RUFY1: variants seen among roughly 807,000 people sequenced by gnomAD.
RUFY1 encodes the protein RUN and FYVE domain-containing protein 1.
RUFY1 carries 54 observed loss-of-function variants against 94.6 expected under a neutral mutation model. That is an observed-to-expected ratio of 0.57 (90% CI 0.46 to 0.72). The LOEUF (loss-of-function observed/expected upper bound fraction) is 0.72. RUFY1 is among the 30% of genes least tolerant of loss of function. The pLI is 0.00. For synonymous variants in RUFY1, 396 were observed against 347.3 expected (o/e 1.14, Z -1.56); for missense variants, 883 against 883.9 (o/e 1.00, Z 0.01).
chr5:179,598,487 T>G (rs1454512486), intron 13 of RUFY1: 19 of 616,628 alleles, frequency 3.1e-5, no homozygotes, highest in Non-Finnish European at 5.5e-5. Flanking sequence ...GTCAAGTGTG[T>G]GCCTGCAGGC....
At chr5:179,602,094 T>C in intron 15 of RUFY1, 108 bp downstream of exon 15, 1 of 866,736 alleles carries the variant, frequency 1.2e-6, no homozygotes, top group East Asian at 2.5e-5. Flanking sequence ...GTGGGCCATT[T>C]AGGAGCTCAG....
intron 16 of RUFY1, chr5:179,607,032 C>T (rs916584399): frequency 3.1e-5 from 5 of 158,908 alleles, no homozygotes; most frequent in African/African-American, 1.2e-4. Flanking sequence ...CCATGTGCTC[C>T]CCAGGGCTGG....
chr5:179,565,415 G>C (rs1282718020), intron 3 of RUFY1, among the ~76,000 whole-genome samples: 1 of 151,902 alleles, frequency 6.6e-6, no homozygotes, highest in Non-Finnish European at 1.5e-5. Flanking sequence ...TTGACCTCAG[G>C]TGATCCACCC....
At chr5:179,579,274 T>C (rs956455663) in intron 6 of RUFY1, among the ~76,000 whole-genome samples, 2 of 152,220 alleles carry the variant, frequency 1.3e-5, no homozygotes, top group East Asian at 1.9e-4. Context: ...AAACAAAATA[T>C]ATTCTTTTAT....
intron 8 of RUFY1, chr5:179,586,366 G>C (rs1764604722): frequency 2.2e-6 from 1 of 456,698 alleles, no homozygotes; most frequent in Non-Finnish European, 4.4e-6. Flanking sequence ...AAGGAGGGCT[G>C]AGCCGAGGAA....
intron 5 of RUFY1, among the ~76,000 whole-genome samples, chr5:179,573,340 G>A (rs561680599): frequency 2.6e-5 from 4 of 152,208 alleles, no homozygotes; most frequent in Middle Eastern, 3.4e-3. Context: ...CTGGTCTAGT[G>A]CTATCTTGAA....
chr5:179,608,543 CAA>C lies in RUFY1; in HGVS notation c.1984-831_1984-830del, dbSNP rs375891037. ...TCTACTCCACCCCCTTGGAATGCAG[CAA>C]AGAGAACGAACCAGACTCTTCCTGT... On this transcript the variant is annotated intron_variant, in intron 17 of 17. Transcript: ENST00000319449. 885 of 985,520 alleles carry C rather than the reference CAA, an allele frequency of 9.0e-4. 6 individuals carry two copies. The African/African-American group carries it at 0.01, about 12-fold the overall frequency. 61.0% of individuals were successfully genotyped at this position (985,520 alleles called of 1,614,324 possible). A position where few individuals can be genotyped will look rare whatever the true frequency, so the allele number is the denominator to read the frequency against.
chr5:179,607,677 C>A lies in RUFY1; in HGVS notation c.1983+18C>A. ...GGAGAAAGGTACGTGGGGGCTCCAC[C>A]CACCCTCCCAGTGCCCTGAGTCGTT... On this transcript the variant is annotated intron_variant, in intron 17 of 17. Transcript: ENST00000319449. The A allele has an allele frequency of 6.2e-7, 1 of 1,606,568 alleles. No homozygotes were observed. Among genetic ancestry groups the A allele is most frequent in the Non-Finnish European group, 8.5e-7 (1 of 1,173,622 alleles).
intron 9 of RUFY1, among the ~76,000 whole-genome samples, chr5:179,590,374 T>C (rs937981288): frequency 4.0e-5 from 6 of 151,426 alleles, no homozygotes; most frequent in Admixed American, 6.6e-5. Context: ...AGAGAGACCA[T>C]ATCTGATTGA....
chr5:179,595,071 G>C, intron 12 of RUFY1, 108 bp downstream of exon 12: 1 of 760,566 alleles, frequency 1.3e-6, no homozygotes, highest in Non-Finnish European at 2.2e-6. Flanking sequence ...GGCTGGGCGC[G>C]GTGGCTCACG....
chr5:179,555,697 G>A (rs1210954429), intron 1 of RUFY1: 4 of 398,116 alleles, frequency 1.0e-5, no homozygotes, highest in African/African-American at 7.0e-5. Context: ...GCGTGATCTC[G>A]GGTCACGGCA....
chr5:179,589,787 C>A, intron 9 of RUFY1, 140 bp downstream of exon 9: 1 of 693,092 alleles, frequency 1.4e-6, no homozygotes, highest in Admixed American at 2.4e-5. Context: ...CCTCTCACTG[C>A]GGTCCCTGCC....
At chr5:179,598,979 G>A (rs925876863) in intron 14 of RUFY1, among the ~76,000 whole-genome samples, 158 bp downstream of exon 14, 5 of 152,230 alleles carry the variant, frequency 3.3e-5, no homozygotes, top group African/African-American at 1.2e-4. Context: ...AGGAGCATAA[G>A]ACAAAGACAA....
chr5:179,558,143 C>A (rs1041108596), intron 1 of RUFY1, among the ~76,000 whole-genome samples: 1 of 152,116 alleles, frequency 6.6e-6, no homozygotes, highest in Non-Finnish European at 1.5e-5. Flanking sequence ...TTACAAATTG[C>A]TTTTATGGTT....
At chr5:179,606,961 G>A (rs1174299266) in intron 16 of RUFY1, 4 of 153,200 alleles carry the variant, frequency 2.6e-5, no homozygotes, top group African/African-American at 9.6e-5. Context: ...GCTTCGCCCT[G>A]AGAAAGCCCT....
intron 17 of RUFY1, 116 bp downstream of exon 17, chr5:179,607,775 G>GCCCATCTGCCACAGTCAGCAC: frequency 1.2e-6 from 1 of 850,714 alleles, no homozygotes; most frequent in Non-Finnish European, 1.9e-6. Flanking sequence ...TGACTGTGCT[G>GCCCATCTGCCACAGTCAGCAC]ACTGTGGCAG....
In RUFY1 at chr5:179,550,771, A is replaced by G. The variant is rs771646247; in HGVS notation, c.202A>G (p.Thr68Ala). The change falls in exon 1 of 18, where the codon ACC becomes GCC. Residue 68 changes from threonine (T) to alanine (A), a missense_variant. Physicochemically the swap from Thr to Ala is moderately conservative, Grantham distance 58 (BLOSUM62 0). Coordinates refer to ENST00000319449, the MANE Select transcript of RUFY1 (RefSeq NM_025158.5). ...CGAGGGCTGGTCGGCGCCCATCCTG[A>G]CCCTGGCACGCAGGGCCACCGGGAA... ...AAEGWSAPILTLARRATGNLS... is the reference protein window; with the variant it reads ...AAEGWSAPILALARRATGNLS... The G allele has an allele frequency of 4.3e-5, 60 of 1,394,524 alleles. No homozygotes were observed. Among genetic ancestry groups the G allele is most frequent in the African/African-American group, 6.0e-5 (4 of 66,684 alleles). The allele number at this position is 1,394,524 out of a possible 1,614,324, so 86.4% of individuals were successfully genotyped here.
chr5:179,580,910 A>T, intron 6 of RUFY1, 37 bp from the exon 7 acceptor site: 1 of 1,192,444 alleles, frequency 8.4e-7, no homozygotes, highest in Non-Finnish European at 1.2e-6. Flanking sequence ...AACCATTAAT[A>T]AAAAAAAGTT....
intron 15 of RUFY1, 53 bp from the exon 16 acceptor site, chr5:179,605,823 T>C: frequency 8.4e-7 from 1 of 1,192,438 alleles, no homozygotes; most frequent in South Asian, 1.2e-5. Flanking sequence ...TGTTAGGGAT[T>C]CAGAGCCTCA....
Sources: gnomAD v4.1 joint callset for allele counts (sites outside exome capture counted in the v4.1 genomes callset) on GRCh38, gnomAD v4.1.1 for gene constraint, MANE v1.5 for transcripts, NCBI Gene and HGNC (gene_info 2026-07-23, HGNC 2026-07-21) for gene names.